Variants in TMC1 observed in about 807,000 individuals in gnomAD.
TMC1 encodes the protein transmembrane channel-like protein 1.
In TMC1, 84 loss-of-function variants were observed where a neutral mutation model predicts 105.8. The observed-to-expected ratio is 0.79, with a 90% CI of 0.67 to 0.95. TMC1 has a LOEUF of 0.95. Ranked by LOEUF, TMC1 falls within the 40% of genes least tolerant of loss-of-function variation. The pLI, the probability that TMC1 is intolerant of heterozygous loss-of-function variation, is 0.00. For missense variants in TMC1, 817 were observed against 914.1 expected, an observed-to-expected ratio of 0.89 and a Z score of 1.37; for synonymous variants, 315 against 311.5, an observed-to-expected ratio of 1.01 and a Z score of -0.12.
intron 13 of TMC1, among the ~76,000 whole-genome samples, chr9:72,784,312 G>A (rs893235330): frequency 6.6e-6 from 1 of 152,108 alleles, no homozygotes; most frequent in East Asian, 1.9e-4. Context: ...CGGCCATTAA[G>A]CATATAAAGA....
At chr9:72,745,093 T>A (rs945764850) in intron 10 of TMC1, among the ~76,000 whole-genome samples, 1 of 152,256 alleles carries the variant, frequency 6.6e-6, no homozygotes, top group South Asian at 2.1e-4. Context: ...TCACTGTTAA[T>A]GGTGCTTTGT....
chr9:72,603,848 G>GTTT (rs534608884), intron 2 of TMC1, among the ~76,000 whole-genome samples: 30 of 73,996 alleles, frequency 4.1e-4, no homozygotes, highest in South Asian at 5.6e-4. Context: ...GCGACCGGCT[G>GTTT]TTTTTTTTTT....
At chr9:72,808,062 G>C (rs1270510155) in intron 18 of TMC1, among the ~76,000 whole-genome samples, 1 of 152,170 alleles carries the variant, frequency 6.6e-6, no homozygotes, top group African/African-American at 2.4e-5. Flanking sequence ...TATGACCTGG[G>C]GGGTTGGTAG....
chr9:72,602,315 T>C (rs1482852502), intron 2 of TMC1, among the ~76,000 whole-genome samples: 1 of 151,538 alleles, frequency 6.6e-6, no homozygotes, highest in Non-Finnish European at 1.5e-5. Context: ...TGAGCAAGAA[T>C]TGAACCCAGA....
chr9:72,801,056 G>C (rs1828462232), intron 17 of TMC1, among the ~76,000 whole-genome samples: 1 of 152,152 alleles, frequency 6.6e-6, no homozygotes, highest in Non-Finnish European at 1.5e-5. Flanking sequence ...CATTACAGAT[G>C]TTTCCTCTTC....
chr9:72,786,057 T>A (rs550691216), intron 13 of TMC1, among the ~76,000 whole-genome samples: 1 of 152,318 alleles, frequency 6.6e-6, no homozygotes, highest in Non-Finnish European at 1.5e-5. Context: ...TTATTTGATT[T>A]GTTAAAAACC....
At chr9:72,802,227 CTACATACATACATACATACATACATATA>C (rs1175137295) in intron 17 of TMC1, among the ~76,000 whole-genome samples, 3 of 149,296 alleles carry the variant, frequency 2.0e-5, no homozygotes, top group Non-Finnish European at 3.0e-5. Flanking sequence ...ACCCCTGTCT[CTACATACATACATACATACATACATATA>C]TACATACATA....
intron 8 of TMC1, among the ~76,000 whole-genome samples, chr9:72,706,857 C>A (rs550006573): frequency 6.6e-6 from 1 of 152,024 alleles, no homozygotes; most frequent in Non-Finnish European, 1.5e-5. Context: ...TCACTGCAAC[C>A]TTTACCTGCC....
At chr9:72,605,096 C>A (rs1258213100) in intron 2 of TMC1, among the ~76,000 whole-genome samples, 1 of 152,100 alleles carries the variant, frequency 6.6e-6, no homozygotes, top group Non-Finnish European at 1.5e-5. Flanking sequence ...GAAATTCAGA[C>A]AACAAAATTG....
At chr9:72,588,207 C>T (rs1326888616) in intron 2 of TMC1, among the ~76,000 whole-genome samples, 2 of 152,172 alleles carry the variant, frequency 1.3e-5, no homozygotes, top group African/African-American at 2.4e-5. Flanking sequence ...AATTTAAAGA[C>T]GGCTTCACTC....
chr9:72,738,243 T>G (rs1827333575), intron 8 of TMC1, among the ~76,000 whole-genome samples: 1 of 152,030 alleles, frequency 6.6e-6, no homozygotes, highest in South Asian at 2.1e-4. Flanking sequence ...GCCTATATTT[T>G]TATGCCAGAA....
intron 2 of TMC1, among the ~76,000 whole-genome samples, chr9:72,591,100 G>A (rs1294942319): frequency 2.0e-5 from 3 of 152,224 alleles, no homozygotes; most frequent in Non-Finnish European, 4.4e-5. Flanking sequence ...AGGTCAGTGT[G>A]ATGAAGATGG....
At chr9:72,799,320 A>C (rs962723828) in intron 17 of TMC1, among the ~76,000 whole-genome samples, 1 of 152,074 alleles carries the variant, frequency 6.6e-6, no homozygotes, top group Non-Finnish European at 1.5e-5. Flanking sequence ...TTTTTACTGC[A>C]TTATTTGGTA....
chr9:72,694,699 G>A lies in TMC1; in HGVS notation c.221G>A (p.Arg74Lys). 1 of 1,609,996 alleles carries A rather than the reference G, an allele frequency of 6.2e-7. No individual in the cohort carries two copies. Among genetic ancestry groups the A allele is most frequent in the South Asian group, 1.1e-5 (1 of 90,558 alleles). ...RKAREKERRR[R>K]LKRGAEEEEI... Reference sequence around the variant, plus strand: ...GCAAGAGAAAAAGAGAGGAGGAGGAGGCTAAAGAGAGGAGCGTAAGTTAGT... The same window carrying A: ...GCAAGAGAAAAAGAGAGGAGGAGGAAGCTAAAGAGAGGAGCGTAAGTTAGT... The change falls in exon 7 of 24, where the codon AGG (arginine) becomes AAG (lysine). Residue 74 changes from arginine to lysine, a missense_variant. Transcript: ENST00000297784.
intron 19 of TMC1, chr9:72,817,048 TCA>T: frequency 6.6e-6 from 1 of 152,262 alleles, no homozygotes; most frequent in Admixed American, 6.5e-5. Context: ...CGGTATAGAC[TCA>T]GTTTTTGAAC....
chr9:72,832,842 T>C (rs1829062938), intron 23 of TMC1, among the ~76,000 whole-genome samples: 1 of 152,160 alleles, frequency 6.6e-6, no homozygotes, highest in South Asian at 2.1e-4. Context: ...TAGAGTTCCA[T>C]TTAGAATTTC....
intron 2 of TMC1, among the ~76,000 whole-genome samples, chr9:72,609,858 C>T (rs998832722): frequency 2.0e-5 from 3 of 151,994 alleles, no homozygotes; most frequent in Admixed American, 2.0e-4. Context: ...ACCTGGCAAC[C>T]CTCTCTTCTT....
chr9:72,776,674 T>C (rs1036079500), intron 13 of TMC1, among the ~76,000 whole-genome samples: 13 of 152,194 alleles, frequency 8.5e-5, no homozygotes, highest in Non-Finnish European at 7.4e-5. Context: ...CAATCTTATA[T>C]ACTGTGTTGA....
chr9:72,772,830 T>C (rs572795005), intron 13 of TMC1, among the ~76,000 whole-genome samples: 1 of 152,280 alleles, frequency 6.6e-6, no homozygotes, highest in South Asian at 2.1e-4. Flanking sequence ...AAATGTGTAT[T>C]TTTGTACTTG....
Sources: allele counts gnomAD v4.1 joint callset (sites outside exome capture counted in the v4.1 genomes callset), GRCh38; gene constraint gnomAD v4.1.1; transcripts MANE v1.5; gene names NCBI Gene and HGNC (gene_info 2026-07-23, HGNC 2026-07-21).